Variants in NELL1 observed in about 807,000 individuals in gnomAD.
NELL1 encodes neural EGFL like 1, also known as protein kinase C-binding protein NELL1.
NELL1 carries 76 observed loss-of-function variants against 107.4 expected under a neutral mutation model. That is an observed-to-expected ratio of 0.71 (90% CI 0.59 to 0.86). NELL1 has a LOEUF of 0.86. NELL1 is among the 40% of genes least tolerant of loss of function. The pLI, the probability that NELL1 is intolerant of heterozygous loss-of-function variation, is 0.00. For synonymous variants in NELL1, 353 were observed against 341.2 expected, an observed-to-expected ratio of 1.03 and a Z score of -0.38; for missense variants, 1,024 against 1,005.5, an observed-to-expected ratio of 1.02 and a Z score of -0.25.
At chr11:20,907,254 C>T (rs958110907) in intron 5 of NELL1, among the ~76,000 whole-genome samples, 12 of 111,602 alleles carry the variant, frequency 1.1e-4, no homozygotes, top group East Asian at 5.4e-4. Flanking sequence ...AAAAAAATTT[C>T]TTCATCAAAA....
At chr11:20,775,883 G>GAGTT (rs1856740666) in intron 2 of NELL1, among the ~76,000 whole-genome samples, 1 of 152,194 alleles carries the variant, frequency 6.6e-6, no homozygotes, top group Non-Finnish European at 1.5e-5. Context: ...CCTAATGGAG[G>GAGTT]AGTTAGGGAC....
At chr11:21,395,478 C>G (rs1003517738) in intron 15 of NELL1, among the ~76,000 whole-genome samples, 1 of 151,422 alleles carries the variant, frequency 6.6e-6, no homozygotes, top group African/African-American at 2.4e-5. Context: ...CCAAATAAAA[C>G]ACATGGAAAG....
intron 13 of NELL1, among the ~76,000 whole-genome samples, chr11:21,200,077 G>A (rs1857234843): frequency 6.6e-6 from 1 of 152,186 alleles, no homozygotes; most frequent in East Asian, 1.9e-4. Context: ...CCAAGTCTTT[G>A]TTATTGTGAA....
chr11:21,478,059 A>T (rs1438368686), intron 15 of NELL1, among the ~76,000 whole-genome samples: 2 of 152,098 alleles, frequency 1.3e-5, no homozygotes, highest in Non-Finnish European at 2.9e-5. Flanking sequence ...TAATTGACTC[A>T]GTTCCTCATT....
rs942917809 is a variant in NELL1 at position 21,206,369 on chromosome 11, C to G, written c.1427-22963C>G. On this transcript the variant is annotated intron_variant, in intron 13 of 19. Transcript: ENST00000357134. ...CCAGTCATTGGATTTAGGGCCCATA[C>G]TAATCCCATATGACCTCATTTTAAC... 5.3e-4 allele frequency among the ~76,000 whole-genome samples: 80 copies of G among 152,152 alleles called. 1 individual carries two copies. Among genetic ancestry groups the G allele is most frequent in the African/African-American group, 1.9e-3 (77 of 41,432 alleles).
chr11:21,076,750 A>G (rs753444092), intron 12 of NELL1, among the ~76,000 whole-genome samples: 11 of 152,110 alleles, frequency 7.2e-5, no homozygotes, highest in Non-Finnish European at 1.2e-4. Context: ...CCTCTTGGTA[A>G]TGAGTGAATT....
intron 13 of NELL1, among the ~76,000 whole-genome samples, chr11:21,210,450 T>C (rs979379560): frequency 2.0e-5 from 3 of 152,206 alleles, no homozygotes; most frequent in African/African-American, 7.2e-5. Context: ...TATCTCATTG[T>C]GGCTTTGCAT....
chr11:21,141,126 A>G (rs988210971), intron 13 of NELL1, among the ~76,000 whole-genome samples: 2 of 152,230 alleles, frequency 1.3e-5, no homozygotes, highest in Admixed American at 1.3e-4. Context: ...GCTTGTACCC[A>G]TATGCACATC....
chr11:21,258,037 G>A (rs1164352135), intron 14 of NELL1, among the ~76,000 whole-genome samples: 1 of 152,012 alleles, frequency 6.6e-6, no homozygotes, highest in Non-Finnish European at 1.5e-5. Flanking sequence ...CACTGTAAGT[G>A]CTCAACTACA....
chr11:21,274,430 A>T (rs1041143308), intron 14 of NELL1, among the ~76,000 whole-genome samples: 1 of 152,182 alleles, frequency 6.6e-6, no homozygotes, highest in Non-Finnish European at 1.5e-5. Context: ...AGAGACTTAG[A>T]CTCCCACACA....
In NELL1 at chr11:20,964,092, C is replaced by G. The variant is rs143288081; in HGVS notation, c.1300+3532C>G. ...GGCTGTTTCATTTTGCCTTTTCTGA[C>G]TCCAGGAGGAGCATTCTCCATTTTG... On this transcript the variant is annotated intron_variant, in intron 12 of 19. Transcript: ENST00000357134. Among the ~76,000 whole-genome samples, 822 of 152,272 alleles carry G rather than the reference C, an allele frequency of 5.4e-3. 7 individuals carry two copies. The highest frequency in any genetic ancestry group is 0.019 in the African/African-American group (784 of 41,560).
rs1288903155 is a variant in NELL1 at position 21,430,857 on chromosome 11, C to G, written c.1645+59909C>G. ...ACTAACTGTCACTATGTTTTTATGA[C>G]CAGCCCTCCCCTACCAGACCAAGCA... On this transcript the variant is annotated intron_variant, in intron 15 of 19. Coordinates refer to ENST00000357134, the MANE Select transcript of NELL1 (RefSeq NM_006157.5). 2.0e-5 allele frequency among the ~76,000 whole-genome samples: 3 copies of G among 152,222 alleles called. No individual in the cohort carries two copies. In the East Asian group the frequency reaches 5.8e-4, roughly 29 times the overall value.
chr11:21,379,830 C>T (rs1161511609), intron 15 of NELL1, among the ~76,000 whole-genome samples: 1 of 152,032 alleles, frequency 6.6e-6, no homozygotes, highest in East Asian at 1.9e-4. Flanking sequence ...GAAACAAAGA[C>T]TTCTGTGCTC....
At chr11:21,438,360 G>A (rs77397495) in intron 15 of NELL1, among the ~76,000 whole-genome samples, 6,721 of 151,944 alleles carry the variant, frequency 0.044, 318 homozygotes, top group East Asian at 0.17. Context: ...GATAGGTATT[G>A]TTTTCTATGT....
At chr11:20,765,518 G>A (rs1338087223) in intron 2 of NELL1, among the ~76,000 whole-genome samples, 1 of 152,206 alleles carries the variant, frequency 6.6e-6, no homozygotes, top group Non-Finnish European at 1.5e-5. Flanking sequence ...TTAGCTGGGG[G>A]CTGGGGTCTA....
At chr11:21,421,731 A>C (rs1852677338) in intron 15 of NELL1, among the ~76,000 whole-genome samples, 1 of 152,296 alleles carries the variant, frequency 6.6e-6, no homozygotes, top group East Asian at 1.9e-4. Flanking sequence ...GATTATTTAA[A>C]GCAATAATGG....
chr11:20,906,085 TA>T (rs1328365662), intron 5 of NELL1, among the ~76,000 whole-genome samples: 4 of 152,114 alleles, frequency 2.6e-5, no homozygotes, highest in Non-Finnish European at 2.9e-5. Flanking sequence ...AGATTAGCAG[TA>T]AATTTATCAT....
intron 11 of NELL1, among the ~76,000 whole-genome samples, chr11:20,955,318 C>G (rs954892701): frequency 6.6e-6 from 1 of 152,214 alleles, no homozygotes; most frequent in Non-Finnish European, 1.5e-5. Flanking sequence ...CTGGATGTAA[C>G]TCATCTAGGC....
At chr11:20,862,605 CT>C (rs386373288) in intron 4 of NELL1, among the ~76,000 whole-genome samples, 9,601 of 94,174 alleles carry the variant, frequency 0.1, 334 homozygotes, top group South Asian at 0.19. Context: ...TGAGCTGCTG[CT>C]TTTTTTTTTT....
Sources: gnomAD v4.1 joint callset for allele counts (sites outside exome capture counted in the v4.1 genomes callset) on GRCh38, gnomAD v4.1.1 for gene constraint, MANE v1.5 for transcripts, NCBI Gene and HGNC (gene_info 2026-07-23, HGNC 2026-07-21) for gene names.